Variants in PXDN observed in about 807,000 individuals in gnomAD.
PXDN encodes the protein peroxidasin homolog.
PXDN carries 77 observed loss-of-function variants against 140.3 expected under a neutral mutation model. The observed-to-expected ratio is 0.55, with a 90% CI of 0.46 to 0.66. The LOEUF (loss-of-function observed/expected upper bound fraction) is 0.66. Ranked by LOEUF, PXDN falls within the 30% of genes least tolerant of loss-of-function variation. The probability of loss-of-function intolerance (pLI) is 0.00; values close to 1 mark genes in which losing one functional copy is unlikely to be tolerated. For missense variants in PXDN, 1,838 were observed against 2,039.5 expected (o/e 0.90, Z 1.90); for synonymous variants, 911 against 857.4 (o/e 1.06, Z -1.09).
chr2:1,720,185 TGCAC>T (rs1685000252), intron 1 of PXDN, among the ~76,000 whole-genome samples: 3 of 9,840 alleles, frequency 3.0e-4, no homozygotes, highest in Non-Finnish European at 3.5e-4. Flanking sequence ...GAGAGAGAGA[TGCAC>T]AGAGAGAGGG....
intron 1 of PXDN, among the ~76,000 whole-genome samples, chr2:1,740,086 G>A (rs13014578): frequency 0.46 from 69,638 of 152,116 alleles, 16,139 homozygotes; most frequent in Admixed American, 0.57. Flanking sequence ...GAGGCCTGGC[G>A]TCCCGGGACC....
At position 1,705,893 on chromosome 2, in the gene PXDN, G is replaced by T. The variant is rs139118360; in HGVS notation, c.201-12759C>A. ...GCGTGGAGTGTCACCAGCCCTTTTG[G>T]AGAGTTTCCCGCGTGGAGTGTGGGG... On this transcript the variant is annotated intron_variant, in intron 1 of 22. Transcript: ENST00000252804. Among the ~76,000 whole-genome samples, 190 of 152,222 alleles carry T rather than the reference G, an allele frequency of 1.2e-3. 2 individuals are homozygous for T. Among genetic ancestry groups the T allele is most frequent in the African/African-American group, 4.5e-3 (186 of 41,516 alleles).
rs1226661821 is a variant in PXDN, at chr2:1,685,222, C to G, written c.417-1071G>C. 6.6e-6 allele frequency among the ~76,000 whole-genome samples: 1 copy of G among 152,228 alleles called. No homozygotes were observed. Among genetic ancestry groups the G allele is most frequent in the Non-Finnish European group, 1.5e-5 (1 of 68,046 alleles). On this transcript the variant is annotated intron_variant, in intron 4 of 22. Transcript: ENST00000252804. The surrounding 1 kb of genome is among the most constrained non-coding windows in gnomAD (Gnocchi z 5.1). ...CCTGCAGCCGGAGGGCCCCCAAACG[C>G]AGACCATCCCTGCCCCTTGCCCCGG...
At chr2:1,641,750 G>A (rs1240730854) in intron 19 of PXDN, among the ~76,000 whole-genome samples, 5 of 152,198 alleles carry the variant, frequency 3.3e-5, no homozygotes, top group Non-Finnish European at 7.3e-5. Context: ...AACAAAGACT[G>A]GCTTTAAAGA....
At chr2:1,728,332 G>T (rs1181503462) in intron 1 of PXDN, among the ~76,000 whole-genome samples, 1 of 152,246 alleles carries the variant, frequency 6.6e-6, no homozygotes, top group Non-Finnish European at 1.5e-5. Context: ...GCACCTGCTG[G>T]CAGGGTCCCT....
Position 1,648,772 on chromosome 2 carries a change from A to G in PXDN, c.3008T>C (p.Leu1003Pro), listed in dbSNP as rs1358599224. 1 of 1,604,314 alleles carries G rather than the reference A, an allele frequency of 6.2e-7. No individual in the cohort carries two copies. Among genetic ancestry groups the G allele is most frequent in the Non-Finnish European group, 8.5e-7 (1 of 1,176,210 alleles). Residue 1003 changes from leucine to proline, a missense_variant, in exon 17 of 23, where the codon CTC (leucine) becomes CCC (proline). Physicochemically the swap from Leu to Pro is moderately conservative, Grantham distance 98 (BLOSUM62 -3). Around this residue, in one of 5 missense-constraint regions of PXDN, gnomAD observed 850 missense variants for 894.1 expected, o/e 0.95. Coordinates refer to ENST00000252804, the MANE Select transcript of PXDN (RefSeq NM_012293.3). The surrounding 1 kb of genome is among the most constrained non-coding windows in gnomAD (Gnocchi z 8.9). ...REHNRIATEL[L>P]KLNPHWDGDT... ...GCCGTCCCAGTGCGGGTTCAGCTTG[A>G]GCAGCTCCGTGGCAATGCGGTTGTG...
chr2:1,680,856 A>AG (rs1303546400), intron 6 of PXDN, among the ~76,000 whole-genome samples: 1 of 152,246 alleles, frequency 6.6e-6, no homozygotes. Flanking sequence ...CAGTGTGGGA[A>AG]GGGGGGCTGC....
Position 1,634,096 on chromosome 2 carries a change from T to C in PXDN, c.*108A>G, listed in dbSNP as rs1422351163. ...GCACCAGCTGGACGTTGTCATGAAA[T>C]GTCACGAGTTCTGGGTGTTTCCTGG... is the stretch of plus-strand genomic sequence containing the variant. On this transcript the variant is annotated 3_prime_UTR_variant, in exon 23 of 23. Transcript: ENST00000252804. The C allele has an allele frequency of 1.4e-6, 2 of 1,452,852 alleles. No individual in the cohort carries two copies. The highest frequency in any genetic ancestry group is 9.3e-7 in the Non-Finnish European group (1 of 1,079,832). 90.0% of individuals were successfully genotyped at this position (1,452,852 alleles called of 1,614,324 possible).
At chr2:1,691,586 G>A (rs1054950271) in intron 3 of PXDN, among the ~76,000 whole-genome samples, 24 of 152,082 alleles carry the variant, frequency 1.6e-4, no homozygotes, top group African/African-American at 4.8e-4. Context: ...CAACACACCC[G>A]TCAGCTGTTC....
chr2:1,711,486 C>CACTCTCCACCA (rs1558521420), intron 1 of PXDN, among the ~76,000 whole-genome samples: 21 of 121,042 alleles, frequency 1.7e-4, no homozygotes, highest in African/African-American at 5.0e-4. Flanking sequence ...CACCAGCACC[C>CACTCTCCACCA]GCTCCACCAG....
At chr2:1,722,405 C>T (rs1022844049) in intron 1 of PXDN, among the ~76,000 whole-genome samples, 8 of 152,186 alleles carry the variant, frequency 5.3e-5, no homozygotes, top group South Asian at 4.1e-4. Context: ...AGAATCTCAA[C>T]GCAGAATCCA....
intron 8 of PXDN, among the ~76,000 whole-genome samples, chr2:1,674,070 T>C (rs1683640236): frequency 2.0e-5 from 3 of 152,358 alleles, no homozygotes. Flanking sequence ...TGTTTTAAAG[T>C]GTTTCTAATT....
At chr2:1,634,389 C>G (rs1682493905) in intron 22 of PXDN, 66 bp from the exon 23 acceptor site, 1 of 1,509,946 alleles carries the variant, frequency 6.6e-7, no homozygotes, top group Admixed American at 2.0e-5. Flanking sequence ...CAAAGCCTGT[C>G]AGCTCCGGGA....
rs758592134 is a variant in PXDN, at chr2:1,649,552, G to A, written c.2228C>T (p.Thr743Met). 1.1e-5 allele frequency: 18 copies of A among 1,613,928 alleles called. No homozygotes were observed. Among genetic ancestry groups the A allele is most frequent in the East Asian group, 4.5e-5 (2 of 44,892 alleles). ...CAGGTTGTTACAGGTGCCGTCGTGCGTCCGGTACTTCTGGTGGAAGCACAT... is the reference window on the plus strand; with the variant it reads ...CAGGTTGTTACAGGTGCCGTCGTGCATCCGGTACTTCTGGTGGAAGCACAT... ...SDMCFHQKYR[T>M]HDGTCNNLQH... The change falls in exon 17 of 23, where the codon ACG (threonine) becomes ATG (methionine). Residue 743 changes from threonine to methionine, a missense_variant. Physicochemically the swap from Thr to Met is moderately conservative, Grantham distance 81. Coordinates refer to ENST00000252804, the MANE Select transcript of PXDN (RefSeq NM_012293.3). This position sits in a 1 kb window ranked among gnomAD's most constrained non-coding sequence, Gnocchi z 7.1.
intron 17 of PXDN, among the ~76,000 whole-genome samples, chr2:1,645,015 G>A (rs538330568): frequency 1.3e-5 from 2 of 152,150 alleles, no homozygotes; most frequent in African/African-American, 4.8e-5. Context: ...AAAAGATAAG[G>A]AAGAAAATTT....
chr2:1,694,801 C>T (rs1684264708), intron 1 of PXDN, among the ~76,000 whole-genome samples: 1 of 152,154 alleles, frequency 6.6e-6, no homozygotes, highest in Admixed American at 6.5e-5. Context: ...ATCCAGGATG[C>T]CCACTCACTC....
chr2:1,674,866 C>T lies in PXDN; in HGVS notation c.849-1054G>A, dbSNP rs929143717. Among the ~76,000 whole-genome samples the T allele has an allele frequency of 4.6e-5, 7 of 152,148 alleles. No individual in the cohort carries two copies. The East Asian group carries it at 5.8e-4, about 13-fold the overall frequency. ...TGCACGAGATTCATCACCTTCCACG[C>T]GAGTTTCCTAAGGAGCCTGTGCAGC... On this transcript the variant is annotated intron_variant, in intron 8 of 22. Coordinates refer to ENST00000252804, the MANE Select transcript of PXDN (RefSeq NM_012293.3).
chr2:1,738,950 T>G (rs1487973929), intron 1 of PXDN, among the ~76,000 whole-genome samples: 1 of 152,202 alleles, frequency 6.6e-6, no homozygotes, highest in Non-Finnish European at 1.5e-5. Flanking sequence ...ACCCTGGATC[T>G]GTGCCACGGA....
intron 7 of PXDN, among the ~76,000 whole-genome samples, chr2:1,679,638 GTC>G (rs1289923736): frequency 1.4e-5 from 2 of 146,062 alleles, no homozygotes; most frequent in Admixed American, 6.8e-5. Context: ...ACGTGTGTGT[GTC>G]TATAAATGGT....
Sources: allele counts gnomAD v4.1 joint callset (sites outside exome capture counted in the v4.1 genomes callset), GRCh38; gene constraint gnomAD v4.1.1; regional missense constraint gnomAD v4.1.1; non-coding constraint Gnocchi (gnomAD v3.1); transcripts MANE v1.5; gene names NCBI Gene and HGNC (gene_info 2026-07-23, HGNC 2026-07-21).